ANKS1B: variants seen among roughly 807,000 people sequenced by gnomAD.
ANKS1B encodes the protein ankyrin repeat and sterile alpha motif domain-containing protein 1B.
A neutral mutation model predicts 148.3 loss-of-function variants in ANKS1B; 36 were observed. That is an observed-to-expected ratio of 0.24 (90% CI 0.19 to 0.32). The LOEUF (loss-of-function observed/expected upper bound fraction) is 0.32. Ranked by LOEUF, ANKS1B falls within the 10% of genes least tolerant of loss-of-function variation. The pLI is 1.00. For synonymous variants in ANKS1B, 542 were observed against 560.8 expected (o/e 0.97, Z 0.47); for missense variants, 1,157 against 1,542.6 (o/e 0.75, Z 4.19).
intron 14 of ANKS1B, among the ~76,000 whole-genome samples, chr12:99,197,268 T>C (rs2081501022): frequency 6.6e-6 from 1 of 152,106 alleles, no homozygotes; most frequent in African/African-American, 2.4e-5. Flanking sequence ...CAAATATCCT[T>C]TATAAAAAGT....
chr12:99,804,826 A>T (rs1038494405), intron 4 of ANKS1B, among the ~76,000 whole-genome samples: 1 of 152,148 alleles, frequency 6.6e-6, no homozygotes, highest in South Asian at 2.1e-4. Context: ...ACTAGTTCCA[A>T]GCCTAGGCCT....
At position 98,757,739 on chromosome 12, in the gene ANKS1B, C is replaced by T. The variant is rs148327807; in HGVS notation, c.3580-6217G>A. Among the ~76,000 whole-genome samples, 239 of 152,354 alleles carry T rather than the reference C, an allele frequency of 1.6e-3. 1 individual carries two copies. The highest frequency in any genetic ancestry group is 5.4e-3 in the African/African-American group (223 of 41,580). On this transcript the variant is annotated intron_variant, in intron 25 of 26. Transcript: ENST00000683438. ...ATTTAGTTTTACTTTTATTACCTCA[C>T]GTCTCTCGAATGCTGTAACCTGGCC... is the stretch of plus-strand genomic sequence containing the variant.
intron 1 of ANKS1B, among the ~76,000 whole-genome samples, chr12:99,894,956 T>C (rs1421364087): frequency 6.6e-6 from 1 of 150,792 alleles, no homozygotes; most frequent in South Asian, 2.1e-4. Flanking sequence ...TTTTGAATTA[T>C]GATGTTTTCA....
chr12:98,918,199 C>T (rs969311825), intron 17 of ANKS1B, among the ~76,000 whole-genome samples: 3 of 152,266 alleles, frequency 2.0e-5, no homozygotes, highest in South Asian at 4.1e-4. Context: ...AGGCCCTTCA[C>T]GGAGGTTAGT....
intron 17 of ANKS1B, among the ~76,000 whole-genome samples, chr12:98,867,411 T>C (rs2099630180): frequency 6.6e-6 from 1 of 152,088 alleles, no homozygotes; most frequent in Non-Finnish European, 1.5e-5. Flanking sequence ...AAATCTAAAA[T>C]GGCACAAAAA....
intron 17 of ANKS1B, among the ~76,000 whole-genome samples, chr12:98,910,728 C>A (rs1298768422): frequency 6.6e-6 from 1 of 152,148 alleles, no homozygotes; most frequent in East Asian, 1.9e-4. Context: ...ATAGAATCAA[C>A]AATCAATGAA....
chr12:99,774,327 C>T (rs1194348523), intron 7 of ANKS1B, among the ~76,000 whole-genome samples: 1 of 151,894 alleles, frequency 6.6e-6, no homozygotes, highest in Admixed American at 6.6e-5. Context: ...GCTAAGGACT[C>T]GAATAGACAT....
intron 1 of ANKS1B, among the ~76,000 whole-genome samples, chr12:99,940,130 G>C (rs2094882674): frequency 6.6e-6 from 1 of 152,110 alleles, no homozygotes; most frequent in African/African-American, 2.4e-5. Context: ...TAATTGGAAA[G>C]AATACACATT....
At chr12:99,039,611 C>A (rs982176587) in intron 17 of ANKS1B, among the ~76,000 whole-genome samples, 3 of 152,258 alleles carry the variant, frequency 2.0e-5, no homozygotes, top group Non-Finnish European at 4.4e-5. Context: ...AGCCTCTCAT[C>A]CACTCTGCTG....
intron 4 of ANKS1B, among the ~76,000 whole-genome samples, chr12:99,796,396 T>C (rs1602331993): frequency 6.6e-6 from 1 of 151,924 alleles, no homozygotes; most frequent in Non-Finnish European, 1.5e-5. Flanking sequence ...CAGATAAAGG[T>C]TGGGTGGGCG....
intron 16 of ANKS1B, among the ~76,000 whole-genome samples, chr12:99,073,064 T>A (rs895000576): frequency 1.3e-5 from 2 of 152,348 alleles, no homozygotes; most frequent in East Asian, 3.9e-4. Flanking sequence ...CAAACCTTCT[T>A]TTTAAAAGTG....
intron 12 of ANKS1B, among the ~76,000 whole-genome samples, chr12:99,384,301 C>A (rs1593597709): frequency 6.6e-6 from 1 of 152,284 alleles, no homozygotes; most frequent in East Asian, 1.9e-4. Context: ...AGTTTCCTAA[C>A]CACGGTGAGC....
At chr12:99,827,238 A>G (rs2153684939) in intron 1 of ANKS1B, among the ~76,000 whole-genome samples, 1 of 152,336 alleles carries the variant, frequency 6.6e-6, no homozygotes, top group East Asian at 1.9e-4. Context: ...AATTATATCT[A>G]AACATTTTCT....
At chr12:99,872,379 C>G (rs751260579) in intron 1 of ANKS1B, among the ~76,000 whole-genome samples, 4 of 152,018 alleles carry the variant, frequency 2.6e-5, no homozygotes, top group Non-Finnish European at 4.4e-5. Flanking sequence ...AAGCTGTATA[C>G]TTACAGTCAG....
chr12:99,233,756 A>G (rs1343167767), intron 14 of ANKS1B, among the ~76,000 whole-genome samples: 1 of 152,168 alleles, frequency 6.6e-6, no homozygotes, highest in Non-Finnish European at 1.5e-5. Flanking sequence ...ATTGCTGAGA[A>G]AATTGGGGTG....
chr12:99,740,888 C>G (rs145403496), intron 8 of ANKS1B, among the ~76,000 whole-genome samples: 1 of 152,106 alleles, frequency 6.6e-6, no homozygotes, highest in African/African-American at 2.4e-5. Flanking sequence ...ACTTTTCCCA[C>G]TGTTTTTACA....
intron 12 of ANKS1B, among the ~76,000 whole-genome samples, chr12:99,286,457 T>A (rs184140408): frequency 6.6e-6 from 1 of 151,980 alleles, no homozygotes; most frequent in Non-Finnish European, 1.5e-5. Flanking sequence ...ACACTGGCTT[T>A]ATGTGTGACT....
At chr12:98,786,858 C>T (rs1207729600) in intron 22 of ANKS1B, among the ~76,000 whole-genome samples, 5 of 152,258 alleles carry the variant, frequency 3.3e-5, no homozygotes, top group South Asian at 4.1e-4. Context: ...TACAATGCCC[C>T]GATTGCTCCC....
intron 9 of ANKS1B, among the ~76,000 whole-genome samples, chr12:99,616,191 A>G (rs1473166476): frequency 2.0e-5 from 3 of 152,182 alleles, no homozygotes; most frequent in Non-Finnish European, 2.9e-5. Context: ...GGAAGAATCA[A>G]TATCGTGAAA....
Sources: gnomAD v4.1 joint callset for allele counts (sites outside exome capture counted in the v4.1 genomes callset) on GRCh38, gnomAD v4.1.1 for gene constraint, MANE v1.5 for transcripts, NCBI Gene and HGNC (gene_info 2026-07-23, HGNC 2026-07-21) for gene names.